The following RAPGEF4 variants were observed in gnomAD, a reference collection of about 807,000 sequenced individuals.
RAPGEF4 encodes RAP guanine-nucleotide-exchange factor (GEF) 4.
RAPGEF4 carries 66 observed loss-of-function variants against 147.9 expected under a neutral mutation model. The observed-to-expected ratio is 0.45, with a 90% CI of 0.37 to 0.55. RAPGEF4 has a LOEUF of 0.55. Among genes scored for constraint, RAPGEF4 ranks in the 20% least tolerant of loss-of-function variants. The probability of loss-of-function intolerance (pLI) is 0.00; values close to 1 mark genes in which losing one functional copy is unlikely to be tolerated. For missense variants in RAPGEF4, 1,071 were observed against 1,257.3 expected (o/e 0.85, Z 2.24); for synonymous variants, 419 against 442.7 (o/e 0.95, Z 0.67).
chr2:172,761,608 A>C (rs1696351852), intron 1 of RAPGEF4, among the ~76,000 whole-genome samples: 1 of 152,230 alleles, frequency 6.6e-6, no homozygotes, highest in South Asian at 2.1e-4. Flanking sequence ...GAATTACTAA[A>C]AGAAGTTCCT....
intron 25 of RAPGEF4, among the ~76,000 whole-genome samples, chr2:173,028,557 T>TA (rs1366860583): frequency 5.9e-5 from 9 of 151,896 alleles, no homozygotes; most frequent in Admixed American, 1.3e-4. Flanking sequence ...GGACTTTTTT[T>TA]TATATATATA....
chr2:172,803,267 G>A (rs1377967054), intron 3 of RAPGEF4, among the ~76,000 whole-genome samples: 1 of 152,164 alleles, frequency 6.6e-6, no homozygotes, highest in African/African-American at 2.4e-5. Context: ...ACTTCTGCCT[G>A]GACATCCATG....
At chr2:172,801,351 G>T (rs1293951113) in intron 3 of RAPGEF4, among the ~76,000 whole-genome samples, 1 of 152,172 alleles carries the variant, frequency 6.6e-6, no homozygotes, top group Non-Finnish European at 1.5e-5. Flanking sequence ...GGAGGATGGG[G>T]CAGAGTTTCT....
chr2:172,750,306 C>T (rs1238250743), intron 1 of RAPGEF4, among the ~76,000 whole-genome samples: 2 of 152,098 alleles, frequency 1.3e-5, no homozygotes, highest in East Asian at 3.9e-4. Context: ...AATGGACTCA[C>T]AATTCCACGT....
At chr2:172,948,126 C>T (rs933865078) in intron 6 of RAPGEF4, among the ~76,000 whole-genome samples, 4 of 152,204 alleles carry the variant, frequency 2.6e-5, no homozygotes, top group African/African-American at 9.7e-5. Flanking sequence ...TGTTTTCTCT[C>T]ATTCCATTAT....
In RAPGEF4 at chr2:173,018,643, T is replaced by C. The variant is rs1403996095; in HGVS notation, c.2009-13T>C. 6.2e-7 allele frequency: 1 copy of C among 1,602,468 alleles called. No homozygotes were observed. Among genetic ancestry groups the C allele is most frequent in the Admixed American group, 1.7e-5 (1 of 57,794 alleles). The stretch of plus-strand genomic sequence containing the variant: ...TAAGAGTGATTTACTACCTTGTTAC[T>C]GCCTTTGGATAGTTCTGTTTAAGGT... On this transcript the variant is annotated splice_polypyrimidine_tract_variant and intron_variant, in intron 21 of 30. Transcript: ENST00000397081.
At chr2:173,050,757 C>CA (rs34661805) in intron 30 of RAPGEF4, among the ~76,000 whole-genome samples, 89,532 of 120,106 alleles carry the variant, frequency 0.75, 32,034 homozygotes, top group East Asian at 0.93. Flanking sequence ...CATTTCTTAA[C>CA]AAAAAAAAAA....
Position 173,027,105 on chromosome 2 carries a change from G to A in RAPGEF4, c.2404G>A (p.Gly802Arg), listed in dbSNP as rs1696740605. The A allele has an allele frequency of 8.1e-6, 13 of 1,604,578 alleles. No individual in the cohort carries two copies. The highest frequency in any genetic ancestry group is 1.1e-5 in the Non-Finnish European group (13 of 1,177,458). Residue 802 changes from glycine to arginine, a missense_variant, in exon 25 of 31, where the codon GGA becomes AGA. Transcript: ENST00000397081. ...HELELIYHTFGRHNFKKTTAN... is the reference protein window; with the variant it reads ...HELELIYHTFRRHNFKKTTAN... ...GCTGGAGCTAATCTATCACACATTT[G>A]GAAGGCATAATTTTAAAAAGACCAC...
At chr2:172,864,642 G>A (rs1003524257) in intron 4 of RAPGEF4, among the ~76,000 whole-genome samples, 20 of 152,186 alleles carry the variant, frequency 1.3e-4, no homozygotes, top group Admixed American at 4.6e-4. Context: ...AGCGGCTCAC[G>A]CCTGTAATCC....
chr2:172,781,278 G>A (rs914381458), intron 1 of RAPGEF4, among the ~76,000 whole-genome samples: 1 of 152,142 alleles, frequency 6.6e-6, no homozygotes, highest in Non-Finnish European at 1.5e-5. Flanking sequence ...AGGCTGGGAA[G>A]TGTAGCCTCC....
At chr2:172,777,171 A>G (rs915578867) in intron 1 of RAPGEF4, among the ~76,000 whole-genome samples, 1 of 152,170 alleles carries the variant, frequency 6.6e-6, no homozygotes. Flanking sequence ...CTACAGTAGC[A>G]TTTTTGGAGA....
At chr2:172,834,028 T>C (rs1690657250) in intron 4 of RAPGEF4, among the ~76,000 whole-genome samples, 2 of 152,234 alleles carry the variant, frequency 1.3e-5, no homozygotes, top group Admixed American at 6.5e-5. Context: ...CTTGGATCTG[T>C]TGGCTCCAAG....
At chr2:172,933,583 C>G (rs1320120773) in intron 6 of RAPGEF4, among the ~76,000 whole-genome samples, 1 of 152,128 alleles carries the variant, frequency 6.6e-6, no homozygotes, top group East Asian at 1.9e-4. Context: ...TAGGGATTTG[C>G]ACTGAGTAGG....
intron 4 of RAPGEF4, among the ~76,000 whole-genome samples, chr2:172,911,331 G>A (rs889263187): frequency 3.3e-5 from 5 of 152,132 alleles, no homozygotes; most frequent in African/African-American, 4.8e-5. Flanking sequence ...CACTTAACAC[G>A]GGGGAAAGGT....
At chr2:172,969,838 CT>C (rs770499210) in intron 10 of RAPGEF4, among the ~76,000 whole-genome samples, 2 of 152,150 alleles carry the variant, frequency 1.3e-5, no homozygotes, top group African/African-American at 2.4e-5. Flanking sequence ...CTTGTGCTTC[CT>C]TTTATTGTCC....
chr2:173,011,186 A>ACGCG (rs966436276), intron 17 of RAPGEF4, among the ~76,000 whole-genome samples: 3 of 151,770 alleles, frequency 2.0e-5, no homozygotes, highest in African/African-American at 4.8e-5. Flanking sequence ...ACACACACAC[A>ACGCG]CACACACACA....
At chr2:172,869,120 A>G (rs1177725095) in intron 4 of RAPGEF4, among the ~76,000 whole-genome samples, 5 of 152,198 alleles carry the variant, frequency 3.3e-5, no homozygotes, top group Non-Finnish European at 7.3e-5. Context: ...CCCCATTCTA[A>G]GTGAATCTCC....
In RAPGEF4 at chr2:172,835,777, C is replaced by T. The variant is rs575579459; in HGVS notation, c.444+21352C>T. 3.3e-5 allele frequency among the ~76,000 whole-genome samples: 5 copies of T among 152,192 alleles called. No homozygotes were observed. In the South Asian group the frequency reaches 1.0e-3, roughly 32 times the overall value. On this transcript the variant is annotated intron_variant, in intron 4 of 30. Transcript: ENST00000397081. ...TGATTATGACTTGCTAAAAAATATA[C>T]AATTTTCAAATAACAACAATCTCTT...
At chr2:172,972,206 G>A (rs779950704) in intron 10 of RAPGEF4, among the ~76,000 whole-genome samples, 1 of 152,184 alleles carries the variant, frequency 6.6e-6, no homozygotes, top group Admixed American at 6.5e-5. Context: ...TTGCTCTAGA[G>A]GGCGCGTGAG....
Sources: gnomAD v4.1 joint callset for allele counts (sites outside exome capture counted in the v4.1 genomes callset) on GRCh38, gnomAD v4.1.1 for gene constraint, MANE v1.5 for transcripts, NCBI Gene and HGNC (gene_info 2026-07-23, HGNC 2026-07-21) for gene names.